Variants in CNTN2 observed in about 807,000 individuals in gnomAD.
The protein encoded by CNTN2 is contactin 2.
Under a neutral mutation model 117.5 loss-of-function variants are expected in CNTN2, and 53 were observed. The observed-to-expected ratio is 0.45, with a 90% confidence interval of 0.36 to 0.57. The LOEUF (loss-of-function observed/expected upper bound fraction) is 0.57. Ranked by LOEUF, CNTN2 falls within the 20% of genes least tolerant of loss-of-function variation. CNTN2 has a pLI of 0.00. For missense variants in CNTN2, 1,106 were observed against 1,404.3 expected (o/e 0.79, Z 3.39); for synonymous variants, 530 against 561.7 (o/e 0.94, Z 0.80).
At chr1:205,072,276 A>T in intron 20 of CNTN2, 143 bp downstream of exon 20, 1 of 911,330 alleles carries the variant, frequency 1.1e-6, no homozygotes, top group East Asian at 2.5e-5. Context: ...AGCCTAATGG[A>T]AATAAGGGAA....
intron 21 of CNTN2, 133 bp downstream of exon 21, chr1:205,072,728 G>T (rs1205738605): frequency 4.2e-6 from 3 of 719,992 alleles, no homozygotes; most frequent in Non-Finnish European, 7.2e-6. Flanking sequence ...GACTGTGAGA[G>T]GAATGAAATT....
chr1:205,066,489 C>T lies in CNTN2; in HGVS notation c.1865C>T (p.Thr622Ile). The T allele has an allele frequency of 1.2e-6, 2 of 1,614,032 alleles. No individual in the cohort carries two copies. The highest frequency in any genetic ancestry group is 1.7e-6 in the Non-Finnish European group (2 of 1,180,036). Residue 622 changes from threonine (T) to isoleucine (I), a missense_variant, in exon 15 of 23, where the codon ACC (threonine) becomes ATC (isoleucine). Thr to Ile is a moderately conservative substitution (Grantham distance 89). Coordinates refer to ENST00000331830, the MANE Select transcript of CNTN2 (RefSeq NM_005076.5). ...GTGGTGGTGAGGGACATTGGCGACA[C>T]CACCATCCAGCTCAGCTGGAGCCGT... ...GGVVVRDIGD[T>I]TIQLSWSRGF... is the part of the protein sequence containing the mutation.
chr1:205,070,705 C>A, intron 19 of CNTN2, 167 bp downstream of exon 19: 6 of 559,986 alleles, frequency 1.1e-5, no homozygotes, highest in Non-Finnish European at 1.6e-5. Context: ...TTCACTAAGA[C>A]CCCATGGCAG....
intron 15 of CNTN2, 129 bp downstream of exon 15, chr1:205,066,728 A>C: frequency 9.2e-7 from 1 of 1,089,104 alleles, no homozygotes; most frequent in Non-Finnish European, 1.3e-6. Flanking sequence ...GAGGGACAAG[A>C]TCTGTCCTCT....
chr1:205,069,710 C>A (rs1053961955), intron 17 of CNTN2, 117 bp from the exon 18 acceptor site: 3 of 1,417,806 alleles, frequency 2.1e-6, no homozygotes, highest in South Asian at 2.5e-5. Flanking sequence ...TACGCGAATC[C>A]ACGCTGCAGG....
rs928576183 is a variant in CNTN2, at chr1:205,058,754, T to C, written c.487+91T>C. The stretch of plus-strand genomic sequence containing the variant: ...GAAGGATGGAATAAAAGGAGACCCC[T>C]GGAAATGACCCTTAGAAGCACCCAT... On this transcript the variant is annotated intron_variant, in intron 5 of 22. Coordinates refer to ENST00000331830, the MANE Select transcript of CNTN2 (RefSeq NM_005076.5). This position sits in a 1 kb window ranked among gnomAD's most constrained non-coding sequence, Gnocchi z 4.3. 4 of 1,004,744 alleles carry C rather than the reference T, an allele frequency of 4.0e-6. No homozygotes were observed. The highest frequency in any genetic ancestry group is 3.2e-5 in the South Asian group (2 of 63,404). The allele number at this position is 1,004,744 out of a possible 1,614,324, so 62.2% of individuals were successfully genotyped here. A position where few individuals can be genotyped will look rare whatever the true frequency, so the allele number is the denominator to read the frequency against.
intron 1 of CNTN2, among the ~76,000 whole-genome samples, chr1:205,045,937 G>A (rs2096440878): frequency 1.3e-5 from 2 of 152,182 alleles, no homozygotes; most frequent in South Asian, 4.1e-4. Flanking sequence ...CCAACTTCTA[G>A]TAATCCTCTT....
Position 205,072,532 on chromosome 1 carries a change from T to C in CNTN2, c.2781T>C (p.Ser927=), listed in dbSNP as rs1654650432. Residue 927 remains serine (S), a synonymous_variant, in exon 21 of 23, where the codon AGT becomes AGC. Coordinates refer to ENST00000331830, the MANE Select transcript of CNTN2 (RefSeq NM_005076.5). The stretch of plus-strand genomic sequence containing the variant: ...TCTCCTGGACTTTCTCAAGCTCTAG[T>C]CTTAGCATTAAGTGGGACCCTGTGG... ...GNISWTFSSS[S]LSIKWDPVVP... 18 of 1,614,158 alleles carry C rather than the reference T, an allele frequency of 1.1e-5. No individual in the cohort carries two copies. Among genetic ancestry groups the C allele is most frequent in the Non-Finnish European group, 1.4e-5 (16 of 1,180,028 alleles).
chr1:205,062,273 A>G lies in CNTN2; in HGVS notation c.1111-167A>G, dbSNP rs922177979. ...TTCCAGCTTTGGGGAGGCCTGGGTA[A>G]TCTGCATCCTGAGGTTCCAGGCAGC... On this transcript the variant is annotated intron_variant, in intron 9 of 22. Transcript: ENST00000331830. 1.3e-5 allele frequency: 13 copies of G among 1,004,274 alleles called. No homozygotes were observed. The African/African-American group carries it at 1.8e-4, about 14-fold the overall frequency. 62.2% of individuals were successfully genotyped at this position (1,004,274 alleles called of 1,614,324 possible).
Position 205,066,527 on chromosome 1 carries a change from C to G in CNTN2, c.1903C>G (p.His635Asp). 1 of 1,614,130 alleles carries G rather than the reference C, an allele frequency of 6.2e-7. No individual in the cohort carries two copies. Among genetic ancestry groups the G allele is most frequent in the Non-Finnish European group, 8.5e-7 (1 of 1,180,036 alleles). Residue 635 changes from histidine to aspartate, a missense_variant, in exon 15 of 23, where the codon CAC becomes GAC. Physicochemically the swap from His to Asp is moderately conservative, Grantham distance 81. Transcript: ENST00000331830. ...CAGCTGGAGCCGTGGCTTCGACAAC[C>G]ACAGCCCCATCGCTAAGTACACCCT... ...QLSWSRGFDN[H>D]SPIAKYTLQA...
rs1416065039 is a variant in CNTN2, at chr1:205,061,030, G to A, written c.798-215G>A. On this transcript the variant is annotated intron_variant, in intron 7 of 22. Transcript: ENST00000331830. The surrounding 1 kb of genome is among the most constrained non-coding windows in gnomAD (Gnocchi z 4.8). ...TCCAGGGTTGTTGCAGGGGGGATGG[G>A]TAGAGCAGCCCTGCCTCTTGCCCCT... The A allele has an allele frequency of 1.8e-6, 1 of 542,990 alleles. No homozygotes were observed. Among genetic ancestry groups the A allele is most frequent in the South Asian group, 2.5e-5 (1 of 40,332 alleles). The allele number at this position is 542,990 out of a possible 1,614,324, so 33.6% of individuals were successfully genotyped here.
In CNTN2 at chr1:205,059,834, C is replaced by A; in HGVS notation, c.797+152C>A. On this transcript the variant is annotated intron_variant, in intron 7 of 22. Coordinates refer to ENST00000331830, the MANE Select transcript of CNTN2 (RefSeq NM_005076.5). The surrounding 1 kb of genome is among the most constrained non-coding windows in gnomAD (Gnocchi z 5.6). ...CACACAGTGGGTATCGACCACCACT[C>A]ACTGGACAGTACCTCTCTGGGTGAG... is the stretch of plus-strand genomic sequence containing the variant. The A allele has an allele frequency of 1.6e-6, 1 of 638,870 alleles. No homozygotes were observed. The highest frequency in any genetic ancestry group is 2.8e-6 in the Non-Finnish European group (1 of 357,244). 39.6% of individuals were successfully genotyped at this position (638,870 alleles called of 1,614,324 possible). A position where few individuals can be genotyped will look rare whatever the true frequency, so the allele number is the denominator to read the frequency against.
chr1:205,051,870 C>T (rs2096453567), intron 1 of CNTN2, among the ~76,000 whole-genome samples: 1 of 152,212 alleles, frequency 6.6e-6, no homozygotes. Flanking sequence ...CCTTCAGCCC[C>T]TGCACAGGCC....
chr1:205,072,296 T>C (rs1654635687), intron 20 of CNTN2, 163 bp downstream of exon 20: 4 of 848,582 alleles, frequency 4.7e-6, no homozygotes, highest in South Asian at 1.7e-5. Flanking sequence ...ATGGAATTCA[T>C]GGCCCCTGAA....
intron 1 of CNTN2, among the ~76,000 whole-genome samples, chr1:205,050,278 A>AGTGCTGAGT (rs2096450108): frequency 1.4e-5 from 2 of 145,392 alleles, no homozygotes; most frequent in Non-Finnish European, 3.0e-5. Flanking sequence ...TAGAGCTCTG[A>AGTGCTGAGT]GTGTGTGTGT....
At chr1:205,064,257 C>T (rs1203271511) in intron 10 of CNTN2, 65 bp from the exon 11 acceptor site, 103 of 1,500,130 alleles carry the variant, frequency 6.9e-5, no homozygotes, top group Middle Eastern at 3.6e-4. Flanking sequence ...TCAAAGGGCA[C>T]GCCAAGTAAC....
Position 205,061,079 on chromosome 1 carries a change from C to T in CNTN2, c.798-166C>T, listed in dbSNP as rs1653953303. 2.8e-6 allele frequency: 2 copies of T among 725,840 alleles called. No homozygotes were observed. The highest frequency in any genetic ancestry group is 2.8e-5 in the East Asian group (1 of 35,206). The allele number at this position is 725,840 out of a possible 1,614,324, so 45.0% of individuals were successfully genotyped here. On this transcript the variant is annotated intron_variant, in intron 7 of 22. Transcript: ENST00000331830. This position sits in a 1 kb window ranked among gnomAD's most constrained non-coding sequence, Gnocchi z 4.8. ...CTTCCCTGCGTGTGCTCCGAGCCTA[C>T]CTGGGAGAGGAGAGTGAGGATCAGC...
Position 205,065,714 on chromosome 1 carries a change from C to T in CNTN2, c.1696-75C>T. The T allele has an allele frequency of 3.6e-6, 2 of 557,848 alleles. No homozygotes were observed. The highest frequency in any genetic ancestry group is 1.6e-5 in the South Asian group (1 of 61,844). The allele number at this position is 557,848 out of a possible 1,614,324, so 34.6% of individuals were successfully genotyped here. Reference sequence around the variant, plus strand: ...GGAGTAGGGGACTCCCAAGCGCTGCCTCATGTCTCATGGCCTGCTGCACTG... The same window carrying T: ...GGAGTAGGGGACTCCCAAGCGCTGCTTCATGTCTCATGGCCTGCTGCACTG... On this transcript the variant is annotated intron_variant, in intron 13 of 22. Transcript: ENST00000331830. This position sits in a 1 kb window ranked among gnomAD's most constrained non-coding sequence, Gnocchi z 4.1.
intron 1 of CNTN2, among the ~76,000 whole-genome samples, chr1:205,049,284 AC>A (rs1248664958): frequency 3.3e-5 from 1 of 30,394 alleles, no homozygotes; most frequent in Non-Finnish European, 8.7e-5. Context: ...CACACCCGAC[AC>A]ACACACACAC....
Sources: allele counts gnomAD v4.1 joint callset (sites outside exome capture counted in the v4.1 genomes callset), GRCh38; gene constraint gnomAD v4.1.1; non-coding constraint Gnocchi (gnomAD v3.1); transcripts MANE v1.5; gene names NCBI Gene and HGNC (gene_info 2026-07-23, HGNC 2026-07-21).